GNG4: variants seen among roughly 807,000 people sequenced by gnomAD.
GNG4 encodes the protein guanine nucleotide-binding protein G(I)/G(S)/G(O) subunit gamma-4.
In GNG4, 4 loss-of-function variants were observed where a neutral mutation model predicts 5.8. The observed-to-expected ratio is 0.69, with a 90% confidence interval of 0.34 to 1.57. The LOEUF (loss-of-function observed/expected upper bound fraction) is 1.57. Ranked by LOEUF, GNG4 falls within the 40% of genes most tolerant of loss-of-function variation. The probability of loss-of-function intolerance (pLI) is 0.06; values close to 1 mark genes in which losing one functional copy is unlikely to be tolerated. For missense variants in GNG4, 96 were observed against 95.1 expected (o/e 1.01, Z -0.04); for synonymous variants, 29 against 32.9 (o/e 0.88, Z 0.41).
At position 235,648,455 on chromosome 1, in the gene GNG4, C is replaced by G. The variant is rs1487476725; in HGVS notation, c.-123+1207G>C. ...CCATTTATCAACTTAGTTGTCCCCCCAGTCGCCTCTTGCAGGGAACAGGGC... is the reference window on the plus strand; with the variant it reads ...CCATTTATCAACTTAGTTGTCCCCCGAGTCGCCTCTTGCAGGGAACAGGGC... On this transcript the variant is annotated intron_variant, in intron 1 of 3. Coordinates refer to ENST00000391854, the MANE Select transcript of GNG4 (RefSeq NM_001098722.2). The surrounding 1 kb of genome is among the most constrained non-coding windows in gnomAD (Gnocchi z 5.0). 6.6e-6 allele frequency among the ~76,000 whole-genome samples: 1 copy of G among 152,220 alleles called. No individual in the cohort carries two copies. Among genetic ancestry groups the G allele is most frequent in the Non-Finnish European group, 1.5e-5 (1 of 68,038 alleles).
intron 1 of GNG4, among the ~76,000 whole-genome samples, chr1:235,620,095 G>C (rs2102975688): frequency 6.6e-6 from 1 of 152,310 alleles, no homozygotes; most frequent in African/African-American, 2.4e-5. Context: ...TGGGCGTGGT[G>C]GCTCACGCCT....
rs1285471369 is a variant in GNG4, at chr1:235,649,531, G to C, written c.-123+131C>G. ...CGTGCAGCAGCAGCTGGCGGCGTGA[G>C]GACCACACCGGCGCCAGAGCCGTCT... On this transcript the variant is annotated intron_variant, in intron 1 of 3. Coordinates refer to ENST00000391854, the MANE Select transcript of GNG4 (RefSeq NM_001098722.2). This position sits in a 1 kb window ranked among gnomAD's most constrained non-coding sequence, Gnocchi z 5.7. 1 of 152,204 alleles carries C rather than the reference G, an allele frequency of 6.6e-6. No homozygotes were observed. Among genetic ancestry groups the C allele is most frequent in the Non-Finnish European group, 1.5e-5 (1 of 68,082 alleles). 9.4% of individuals were successfully genotyped at this position (152,204 alleles called of 1,614,324 possible).
chr1:235,616,221 G>A (rs1319124278), intron 1 of GNG4: 1 of 516,936 alleles, frequency 1.9e-6, no homozygotes, highest in South Asian at 1.4e-5. Flanking sequence ...CTGGTTGGAG[G>A]AATGTTCTTG....
intron 2 of GNG4, among the ~76,000 whole-genome samples, chr1:235,587,115 G>C (rs116131501): frequency 2.6e-5 from 4 of 151,686 alleles, no homozygotes; most frequent in Non-Finnish European, 5.9e-5. Context: ...CTGTGTGTGA[G>C]GGAGTCTGTG....
chr1:235,557,011 G>A (rs910538916), intron 3 of GNG4, among the ~76,000 whole-genome samples: 1 of 152,088 alleles, frequency 6.6e-6, no homozygotes, highest in East Asian at 1.9e-4. Flanking sequence ...AAGCGGTAAT[G>A]CAACCAATGG....
At chr1:235,623,294 C>T (rs1412919563) in intron 1 of GNG4, among the ~76,000 whole-genome samples, 1 of 152,160 alleles carries the variant, frequency 6.6e-6, no homozygotes, top group Non-Finnish European at 1.5e-5. Flanking sequence ...TCCCCAGTTC[C>T]TCTCGCCAGC....
intron 1 of GNG4, among the ~76,000 whole-genome samples, chr1:235,604,537 C>A (rs1014327155): frequency 1.3e-5 from 2 of 152,196 alleles, no homozygotes; most frequent in African/African-American, 4.8e-5. Context: ...CATCTGGTGA[C>A]CTCTGATAAC....
intron 2 of GNG4, among the ~76,000 whole-genome samples, chr1:235,587,833 C>G (rs67085467): frequency 4.4e-5 from 6 of 136,830 alleles, no homozygotes; most frequent in Non-Finnish European, 9.6e-5. Context: ...TCAGAGCATG[C>G]GGGGTGAACG....
intron 1 of GNG4, among the ~76,000 whole-genome samples, chr1:235,605,377 G>C (rs1688337137): frequency 6.6e-6 from 1 of 152,066 alleles, no homozygotes; most frequent in Non-Finnish European, 1.5e-5. Context: ...TTTTAGTCGA[G>C]ATGGCTAGGC....
chr1:235,593,748 G>A (rs576506952), intron 2 of GNG4, among the ~76,000 whole-genome samples: 1 of 152,222 alleles, frequency 6.6e-6, no homozygotes, highest in Admixed American at 6.5e-5. Context: ...TTAAGGCGGC[G>A]CGTCTGGAGT....
In GNG4 at chr1:235,559,446, A is replaced by G. The variant is rs535309608; in HGVS notation, c.100-7209T>C. On this transcript the variant is annotated intron_variant, in intron 3 of 3. Transcript: ENST00000391854. ...CTTGTGCTTTTTTTTTTCTCCTAAC[A>G]TTGGGAAGTATTTGAGACCCACACA... 2.0e-5 allele frequency among the ~76,000 whole-genome samples: 3 copies of G among 151,744 alleles called. No individual in the cohort carries two copies. In the East Asian group the frequency reaches 5.8e-4, roughly 29 times the overall value.
rs957009846 is a variant in GNG4, at chr1:235,641,340, C to G, written c.-123+8322G>C. Among the ~76,000 whole-genome samples the G allele has an allele frequency of 6.6e-5, 10 of 152,090 alleles. 1 individual carries two copies. Among genetic ancestry groups the G allele is most frequent in the Non-Finnish European group, 4.4e-5 (3 of 68,014 alleles). On this transcript the variant is annotated intron_variant, in intron 1 of 3. Coordinates refer to ENST00000391854, the MANE Select transcript of GNG4 (RefSeq NM_001098722.2). ...GGGAGCTCAAGATTGCAATGAAATA[C>G]CATCACATCACTGCACACCAGCCTG... is the stretch of plus-strand genomic sequence containing the variant.
At chr1:235,592,641 G>A (rs1423543532) in intron 2 of GNG4, among the ~76,000 whole-genome samples, 1 of 152,136 alleles carries the variant, frequency 6.6e-6, no homozygotes. Context: ...CAAATCAGAA[G>A]ATCTTTAAAT....
intron 1 of GNG4, among the ~76,000 whole-genome samples, chr1:235,607,889 A>T (rs1265549588): frequency 6.6e-6 from 1 of 151,180 alleles, no homozygotes; most frequent in Non-Finnish European, 1.5e-5. Flanking sequence ...TCCAAGAAAG[A>T]TGAGGTGACT....
At chr1:235,639,911 C>T (rs370158015) in intron 1 of GNG4, among the ~76,000 whole-genome samples, 19 of 152,204 alleles carry the variant, frequency 1.2e-4, no homozygotes, top group African/African-American at 3.9e-4. Context: ...GGACATGGCA[C>T]ACAGCAGCTG....
chr1:235,580,015 G>A (rs1188255876), intron 3 of GNG4, among the ~76,000 whole-genome samples: 4 of 152,132 alleles, frequency 2.6e-5, no homozygotes, highest in Admixed American at 2.6e-4. Context: ...GATAACCCAG[G>A]TGTCCATCAA....
At chr1:235,639,811 G>C (rs1164698585) in intron 1 of GNG4, among the ~76,000 whole-genome samples, 1 of 152,198 alleles carries the variant, frequency 6.6e-6, no homozygotes, top group African/African-American at 2.4e-5. Context: ...CCCGCTCTGT[G>C]TTGTGTTATA....
In GNG4 at chr1:235,549,872, T is replaced by C. The variant is rs1686695288; in HGVS notation, c.*2237A>G. The C allele has an allele frequency of 6.6e-6, 1 of 152,224 alleles. No homozygotes were observed. The highest frequency in any genetic ancestry group is 2.1e-4 in the South Asian group (1 of 4,832). The allele number at this position is 152,224 out of a possible 1,614,324, so 9.4% of individuals were successfully genotyped here. A position where few individuals can be genotyped will look rare whatever the true frequency, so the allele number is the denominator to read the frequency against. ...CCCTATATTATACCACGGCATTTAG[T>C]ACATTTATTTGTTTTAAATGATAAT... On this transcript the variant is annotated 3_prime_UTR_variant, in exon 4 of 4. Coordinates refer to ENST00000391854, the MANE Select transcript of GNG4 (RefSeq NM_001098722.2).
intron 3 of GNG4, among the ~76,000 whole-genome samples, chr1:235,556,706 G>A (rs35077841): frequency 1.9e-3 from 289 of 151,722 alleles, no homozygotes; most frequent in Non-Finnish European, 2.1e-3. Flanking sequence ...GTTTCAGGAG[G>A]ATTCAAGTGC....
Sources: gnomAD v4.1 joint callset for allele counts (sites outside exome capture counted in the v4.1 genomes callset) on GRCh38, gnomAD v4.1.1 for gene constraint, Gnocchi (gnomAD v3.1) non-coding constraint, MANE v1.5 for transcripts, NCBI Gene and HGNC (gene_info 2026-07-23, HGNC 2026-07-21) for gene names.